The following RBFOX1 variants were observed in gnomAD, a reference collection of about 807,000 sequenced individuals.
RBFOX1 encodes the protein RNA binding fox-1 homolog 1.
A neutral mutation model predicts 57.7 loss-of-function variants in RBFOX1; 8 were observed. The ratio of observed to expected loss-of-function variants is 0.14; its 90% CI spans 0.08 to 0.25. The LOEUF is 0.25. Ranked by LOEUF, RBFOX1 falls within the 10% of genes least tolerant of loss-of-function variation. RBFOX1 has a pLI of 1.00. For missense variants in RBFOX1, 611 were observed against 548.5 expected (o/e 1.11, Z -1.14); for synonymous variants, 326 against 222.4 (o/e 1.47, Z -4.15).
chr16:6,683,997 A>G (rs2059057595), intron 3 of RBFOX1, among the ~76,000 whole-genome samples: 1 of 152,144 alleles, frequency 6.6e-6, no homozygotes, highest in Non-Finnish European at 1.5e-5. Context: ...ACATGTTACA[A>G]GGTGGGGAAG....
intron 1 of RBFOX1, among the ~76,000 whole-genome samples, chr16:5,348,530 A>C (rs570699281): frequency 1.3e-5 from 2 of 152,330 alleles, no homozygotes; most frequent in East Asian, 3.9e-4. Context: ...ATATCTAAGA[A>C]GTGGAGGAGC....
At chr16:5,699,647 G>A (rs867462047) in intron 3 of RBFOX1, among the ~76,000 whole-genome samples, 1 of 152,020 alleles carries the variant, frequency 6.6e-6, no homozygotes, top group Non-Finnish European at 1.5e-5. Flanking sequence ...GTCAGCTCTG[G>A]GTTGGGGTGT....
At chr16:6,282,144 C>G (rs2076443127) in intron 1 of RBFOX1, among the ~76,000 whole-genome samples, 1 of 152,100 alleles carries the variant, frequency 6.6e-6, no homozygotes, top group Non-Finnish European at 1.5e-5. Context: ...CTCTCTTCAT[C>G]TGAATTCACA....
At chr16:7,230,681 G>T (rs1276306377) in intron 4 of RBFOX1, among the ~76,000 whole-genome samples, 1 of 152,164 alleles carries the variant, frequency 6.6e-6, no homozygotes, top group Non-Finnish European at 1.5e-5. Flanking sequence ...ACTAAATATA[G>T]AAGGGGAGAG....
chr16:5,562,414 C>G (rs536318274), intron 2 of RBFOX1, among the ~76,000 whole-genome samples: 3 of 152,148 alleles, frequency 2.0e-5, no homozygotes, highest in South Asian at 2.1e-4. Flanking sequence ...TGTGTTAGAT[C>G]AGGGCTCTGA....
chr16:5,343,147 T>C (rs938870699), intron 1 of RBFOX1, among the ~76,000 whole-genome samples: 2 of 152,168 alleles, frequency 1.3e-5, no homozygotes, highest in Non-Finnish European at 2.9e-5. Flanking sequence ...GTGACCATTG[T>C]TGCTTTCAAC....
intron 1 of RBFOX1, among the ~76,000 whole-genome samples, chr16:6,077,166 C>A (rs559412562): frequency 6.6e-6 from 1 of 152,254 alleles, no homozygotes; most frequent in African/African-American, 2.4e-5. Context: ...CTTTTAGACA[C>A]CAAAGTTCAG....
intron 2 of RBFOX1, among the ~76,000 whole-genome samples, chr16:6,606,277 A>T (rs928274346): frequency 2.6e-5 from 4 of 152,196 alleles, no homozygotes; most frequent in African/African-American, 9.7e-5. Context: ...AATATATTAG[A>T]AAGCCACTTC....
chr16:5,871,757 C>A (rs1567652995), intron 4 of RBFOX1, among the ~76,000 whole-genome samples: 2 of 152,174 alleles, frequency 1.3e-5, no homozygotes, highest in Admixed American at 6.5e-5. Flanking sequence ...ATTTCACTTA[C>A]CAGTTGGTTT....
chr16:7,068,676 C>G (rs1056695992), intron 4 of RBFOX1, among the ~76,000 whole-genome samples: 1 of 152,138 alleles, frequency 6.6e-6, no homozygotes, highest in African/African-American at 2.4e-5. Context: ...AACCTCTGCC[C>G]CTCCGGGTTC....
intron 2 of RBFOX1, among the ~76,000 whole-genome samples, chr16:6,337,791 C>A (rs1015386794): frequency 2.6e-5 from 4 of 152,154 alleles, no homozygotes; most frequent in African/African-American, 7.2e-5. Context: ...GAAAATTTTT[C>A]CACGTTGAGA....
intron 3 of RBFOX1, among the ~76,000 whole-genome samples, chr16:5,833,034 A>G (rs2056333020): frequency 6.6e-6 from 1 of 152,062 alleles, no homozygotes; most frequent in Non-Finnish European, 1.5e-5. Context: ...CATAGGCACA[A>G]TTTTCCATTC....
At chr16:7,556,349 G>A (rs375580027) in intron 5 of RBFOX1, among the ~76,000 whole-genome samples, 9 of 152,156 alleles carry the variant, frequency 5.9e-5, no homozygotes, top group East Asian at 1.9e-4. Context: ...ATTAAACCAC[G>A]GCACATGAAG....
Position 6,132,193 on chromosome 16 carries a change from C to T in RBFOX1, c.-127+112201C>T, listed in dbSNP as rs140931414. Among the ~76,000 whole-genome samples the T allele has an allele frequency of 9.1e-4, 138 of 152,308 alleles. No homozygotes were observed. In the Middle Eastern group the frequency reaches 0.02, roughly 23 times the overall value. ...GGTGGTATGTGACTTTAAGATTTCA[C>T]GATCATGGGGGACACTTTCGGCAGC... is the stretch of plus-strand genomic sequence containing the variant. On this transcript the variant is annotated intron_variant, in intron 1 of 15. Transcript: ENST00000550418.
intron 1 of RBFOX1, among the ~76,000 whole-genome samples, chr16:6,272,562 T>A (rs71392470): frequency 1.3e-5 from 2 of 152,294 alleles, no homozygotes; most frequent in South Asian, 2.1e-4. Context: ...CCCGGTAAGC[T>A]TTTTTGTGGA....
intron 3 of RBFOX1, among the ~76,000 whole-genome samples, chr16:6,776,716 T>A (rs752469398): frequency 1.3e-4 from 20 of 152,228 alleles, no homozygotes; most frequent in Non-Finnish European, 2.9e-4. Context: ...CAGGATGCAC[T>A]GCTTTGCTGT....
At chr16:6,564,814 C>G (rs1038054520) in intron 2 of RBFOX1, among the ~76,000 whole-genome samples, 6 of 152,044 alleles carry the variant, frequency 3.9e-5, no homozygotes, top group Non-Finnish European at 5.9e-5. Flanking sequence ...CACCTTGAAT[C>G]TGTTCAGTCC....
intron 3 of RBFOX1, among the ~76,000 whole-genome samples, chr16:5,643,432 A>T (rs2048945734): frequency 6.6e-6 from 1 of 152,148 alleles, no homozygotes. Context: ...TCTCCAAGGA[A>T]GACAAGGTTT....
At chr16:7,159,937 T>G (rs1249585619) in intron 4 of RBFOX1, among the ~76,000 whole-genome samples, 1 of 152,180 alleles carries the variant, frequency 6.6e-6, no homozygotes, top group African/African-American at 2.4e-5. Flanking sequence ...TATACCTTTG[T>G]TTTTCACTAA....
Sources: allele counts gnomAD v4.1 joint callset (sites outside exome capture counted in the v4.1 genomes callset), GRCh38; gene constraint gnomAD v4.1.1; transcripts MANE v1.5; gene names NCBI Gene and HGNC (gene_info 2026-07-23, HGNC 2026-07-21).